The following NAV3 variants were observed in gnomAD, a reference collection of about 807,000 sequenced individuals.
NAV3 encodes pore membrane and/or filament interacting like protein 1.
In NAV3, 87 loss-of-function variants were observed where a neutral mutation model predicts 244.7. The observed-to-expected ratio is 0.36, with a 90% CI of 0.30 to 0.42. The LOEUF is 0.42. NAV3 is among the 20% of genes least tolerant of loss of function. NAV3 has a pLI of 1.00. For synonymous variants in NAV3, 1,126 were observed against 1,042.2 expected, an observed-to-expected ratio of 1.08 and a Z score of -1.55; for missense variants, 2,663 against 2,893.3, an observed-to-expected ratio of 0.92 and a Z score of 1.83.
intron 12 of NAV3, among the ~76,000 whole-genome samples, chr12:78,074,317 A>G (rs986814934): frequency 2.0e-5 from 3 of 152,244 alleles, no homozygotes; most frequent in Non-Finnish European, 4.4e-5. Flanking sequence ...ACATACAACT[A>G]GGACATAGAG....
chr12:77,642,165 T>A (rs192861200), intron 2 of NAV3, among the ~76,000 whole-genome samples: 3 of 152,142 alleles, frequency 2.0e-5, no homozygotes, highest in Admixed American at 2.0e-4. Context: ...CCCCTTCCAA[T>A]GGGGTTGGAA....
intron 12 of NAV3, among the ~76,000 whole-genome samples, chr12:78,082,371 T>C (rs1393505721): frequency 9.9e-5 from 15 of 152,226 alleles, no homozygotes; most frequent in Non-Finnish European, 2.2e-4. Flanking sequence ...TGAATTATTT[T>C]GTGTTATTTT....
chr12:77,791,489 G>A (rs1022220057), intron 2 of NAV3, among the ~76,000 whole-genome samples: 1 of 152,086 alleles, frequency 6.6e-6, no homozygotes, highest in Non-Finnish European at 1.5e-5. Flanking sequence ...AGATCCAACA[G>A]GCTTAGCTCT....
chr12:77,761,044 T>C lies in NAV3; in HGVS notation c.73-179275T>C, dbSNP rs1273565580. 4.6e-5 allele frequency among the ~76,000 whole-genome samples: 7 copies of C among 152,136 alleles called. No individual in the cohort carries two copies. In the East Asian group the frequency reaches 1.3e-3, roughly 29 times the overall value. ...GCCATTCAGCAGCATCTTATTTTAT[T>C]TTATTAATTGATTTACTAATTTTTA... On this transcript the variant is annotated intron_variant, in intron 2 of 8. Transcript: ENST00000550042.
At chr12:78,168,945 TA>T in intron 24 of NAV3, 79 bp downstream of exon 24, 1 of 914,746 alleles carries the variant, frequency 1.1e-6, no homozygotes, top group East Asian at 2.5e-5. Context: ...GAACTGCATT[TA>T]CTCAGTGTCA....
intron 2 of NAV3, among the ~76,000 whole-genome samples, chr12:77,620,398 C>T (rs1262518924): frequency 6.6e-6 from 1 of 152,062 alleles, no homozygotes; most frequent in African/African-American, 2.4e-5. Flanking sequence ...GGAATTCATT[C>T]ATGTAAAAAC....
chr12:77,723,348 T>C (rs145906218), intron 2 of NAV3, among the ~76,000 whole-genome samples: 20 of 128,442 alleles, frequency 1.6e-4, no homozygotes, highest in African/African-American at 4.4e-4. Flanking sequence ...CTTACAATAA[T>C]GTTATTGAAA....
Position 78,142,066 on chromosome 12 carries a change from A to G in NAV3, c.4683+1732A>G, listed in dbSNP as rs188412119. ...CACAATAGAGTGACTATAGTTAACAATAATTTATTGTACATTTCAAAATAG... is the reference window on the plus strand; with the variant it reads ...CACAATAGAGTGACTATAGTTAACAGTAATTTATTGTACATTTCAAAATAG... On this transcript the variant is annotated intron_variant, in intron 20 of 39. Coordinates refer to ENST00000397909, the MANE Select transcript of NAV3 (RefSeq NM_001024383.2). Among the ~76,000 whole-genome samples the G allele has an allele frequency of 1.1e-4, 17 of 152,260 alleles. No homozygotes were observed. The East Asian group carries it at 2.5e-3, about 22-fold the overall frequency.
intron 1 of NAV3, among the ~76,000 whole-genome samples, chr12:77,938,108 C>G (rs548823491): frequency 1.3e-5 from 2 of 152,240 alleles, no homozygotes; most frequent in East Asian, 3.9e-4. Flanking sequence ...CAACCCATGG[C>G]CCCAGTCTTT....
intron 5 of NAV3, among the ~76,000 whole-genome samples, chr12:77,992,733 T>G (rs1871659540): frequency 6.6e-6 from 1 of 152,124 alleles, no homozygotes. Flanking sequence ...GAGGGAAAAA[T>G]ACCATGCCTT....
chr12:78,210,178 T>G (rs2140135841), intron 39 of NAV3, among the ~76,000 whole-genome samples: 1 of 152,238 alleles, frequency 6.6e-6, no homozygotes, highest in Non-Finnish European at 1.5e-5. Flanking sequence ...ATAAAAGAGT[T>G]ATCCAGAGGC....
chr12:77,615,804 A>G (rs1016798374), intron 2 of NAV3, among the ~76,000 whole-genome samples: 5 of 152,156 alleles, frequency 3.3e-5, no homozygotes, highest in African/African-American at 1.2e-4. Flanking sequence ...TAGGGCACAG[A>G]CAAATTTAAT....
chr12:77,831,621 T>G lies in NAV3; in HGVS notation c.160T>G (p.Cys54Gly), dbSNP rs1307595868. The G allele has an allele frequency of 6.2e-7, 1 of 1,614,104 alleles. No homozygotes were observed. Among genetic ancestry groups the G allele is most frequent in the East Asian group, 2.2e-5 (1 of 44,866 alleles). ...TGAAACAGAGAGCTCCATGCTTTCT[T>G]GTCAGCTTGCGTTAAAATCAACCTG... ...LTETESSMLS[C>G]QLALKSTCEF... The change falls in exon 1 of 40, where the codon TGT (cysteine) becomes GGT (glycine). Residue 54 changes from cysteine to glycine, a missense_variant. Around this residue, in one of 6 missense-constraint regions of NAV3, gnomAD observed 1,521 missense variants for 1,497.0 expected, o/e 1.02. Coordinates refer to ENST00000397909, the MANE Select transcript of NAV3 (RefSeq NM_001024383.2).
intron 2 of NAV3, among the ~76,000 whole-genome samples, chr12:77,676,735 G>C (rs145411757): frequency 4.9e-4 from 75 of 152,102 alleles, no homozygotes; most frequent in African/African-American, 1.6e-3. Context: ...TGCATGTGGA[G>C]CTTAAAACCT....
chr12:77,943,793 G>A (rs1890088649), intron 3 of NAV3, among the ~76,000 whole-genome samples: 1 of 152,110 alleles, frequency 6.6e-6, no homozygotes, highest in South Asian at 2.1e-4. Flanking sequence ...TGCTGTTGGT[G>A]CTTAATAACA....
chr12:77,781,138 C>A (rs942393300), intron 2 of NAV3, among the ~76,000 whole-genome samples: 7 of 152,122 alleles, frequency 4.6e-5, no homozygotes, highest in African/African-American at 1.7e-4. Flanking sequence ...TTGACCAGGA[C>A]CAAGGTTTCA....
chr12:78,113,621 T>C (rs946612526), intron 12 of NAV3, among the ~76,000 whole-genome samples: 3 of 152,138 alleles, frequency 2.0e-5, no homozygotes, highest in African/African-American at 7.2e-5. Flanking sequence ...CTATGGTGCA[T>C]ACAGCAGGGG....
At chr12:77,658,041 C>G (rs1317078852) in intron 2 of NAV3, among the ~76,000 whole-genome samples, 5 of 151,020 alleles carry the variant, frequency 3.3e-5, no homozygotes, top group Non-Finnish European at 7.4e-5. Flanking sequence ...CCTTTGAAAA[C>G]TGGCACAAGA....
At chr12:77,895,362 T>A (rs1288585453) in intron 1 of NAV3, among the ~76,000 whole-genome samples, 1 of 147,558 alleles carries the variant, frequency 6.8e-6, no homozygotes, top group African/African-American at 2.6e-5. Context: ...AGGAGGAAGG[T>A]GGAGAATAGC....
Sources: gnomAD v4.1 joint callset for allele counts (sites outside exome capture counted in the v4.1 genomes callset) on GRCh38, gnomAD v4.1.1 for gene constraint, gnomAD v4.1.1 regional missense constraint, MANE v1.5 for transcripts, NCBI Gene and HGNC (gene_info 2026-07-23, HGNC 2026-07-21) for gene names.